RASAL2: variants seen among roughly 807,000 people sequenced by gnomAD.
The protein encoded by RASAL2 is RAS protein activator like 2.
RASAL2 carries 58 observed loss-of-function variants against 128.9 expected under a neutral mutation model. That is an observed-to-expected ratio of 0.45 (90% confidence interval 0.36 to 0.56). The LOEUF (loss-of-function observed/expected upper bound fraction) is 0.56, where lower values mean the gene tolerates loss of function less well. Among genes scored for constraint, RASAL2 ranks in the 20% least tolerant of loss-of-function variants. The pLI is 0.00. For missense variants in RASAL2, 1,360 were observed against 1,601.6 expected (o/e 0.85, Z 2.57); for synonymous variants, 561 against 580.8 (o/e 0.97, Z 0.49).
rs570679499 is a variant in RASAL2, at chr1:178,335,780, T to C, written c.457+35662T>C. 1.6e-3 allele frequency among the ~76,000 whole-genome samples: 251 copies of C among 152,326 alleles called. 1 individual carries two copies. The highest frequency in any genetic ancestry group is 5.9e-3 in the African/African-American group (245 of 41,588). ...TCAGTACATCGTTCCAATAAATATA[T>C]ACATTGTTGCATCTGGATTAATACA... On this transcript the variant is annotated intron_variant, in intron 3 of 17. Transcript: ENST00000367649.
chr1:178,147,479 C>CAAAAA (rs71297899), intron 1 of RASAL2, among the ~76,000 whole-genome samples: 7 of 82,954 alleles, frequency 8.4e-5, no homozygotes, highest in South Asian at 4.7e-4. Flanking sequence ...GACTCCGTCT[C>CAAAAA]AAAAAAAAAA....
intron 1 of RASAL2, among the ~76,000 whole-genome samples, chr1:178,140,177 T>G (rs1335808655): frequency 6.6e-6 from 1 of 152,182 alleles, no homozygotes; most frequent in Non-Finnish European, 1.5e-5. Flanking sequence ...CAGTTTTTGT[T>G]TTTTAAAATA....
intron 1 of RASAL2, among the ~76,000 whole-genome samples, chr1:178,248,140 CGTT>C (rs1211523116): frequency 6.6e-5 from 10 of 152,102 alleles, no homozygotes; most frequent in Non-Finnish European, 1.5e-4. Context: ...TTTTCTGTCT[CGTT>C]GATCTGCTTA....
chr1:178,126,514 A>G (rs1180326063), intron 1 of RASAL2, among the ~76,000 whole-genome samples: 2 of 152,244 alleles, frequency 1.3e-5, no homozygotes, highest in Non-Finnish European at 1.5e-5. Context: ...AGATTTAAAG[A>G]AACACCATTC....
At chr1:178,177,611 A>C (rs1404608517) in intron 1 of RASAL2, among the ~76,000 whole-genome samples, 1 of 152,220 alleles carries the variant, frequency 6.6e-6, no homozygotes, top group Non-Finnish European at 1.5e-5. Context: ...TTGAGTTGGG[A>C]TTAAAGTGGA....
At chr1:178,260,350 C>CAAAAAAAAAAAAAAAAAAAAAAAAA (rs1243797175) in intron 1 of RASAL2, among the ~76,000 whole-genome samples, 1 of 436 alleles carries the variant, frequency 2.3e-3, no homozygotes, top group African/African-American at 4.5e-3. Context: ...AGACTCGTCT[C>CAAAAAAAAAAAAAAAAAAAAAAAAA]AAAAAAAAAA....
At chr1:178,194,814 C>T (rs575045176) in intron 1 of RASAL2, 2 of 152,396 alleles carry the variant, frequency 1.3e-5, no homozygotes, top group Admixed American at 6.5e-5. Context: ...ACCAAACACT[C>T]TGCACCTGAC....
At chr1:178,283,515 T>TA (rs774681852) in intron 1 of RASAL2, 49 bp from the exon 2 acceptor site, 449 of 1,587,608 alleles carry the variant, frequency 2.8e-4, no homozygotes, top group Non-Finnish European at 3.7e-4. Flanking sequence ...ACTGGTTTAC[T>TA]AAGCAAGATA....
chr1:178,321,169 C>T (rs917414888), intron 3 of RASAL2, among the ~76,000 whole-genome samples: 1 of 152,118 alleles, frequency 6.6e-6, no homozygotes, highest in Non-Finnish European at 1.5e-5. Context: ...CTGCAACCTC[C>T]ACCTCCCGGG....
chr1:178,379,403 G>A (rs983179679), intron 3 of RASAL2, among the ~76,000 whole-genome samples: 3 of 151,480 alleles, frequency 2.0e-5, no homozygotes, highest in African/African-American at 4.9e-5. Context: ...GAGAAAGGAA[G>A]GGGAGGGGAG....
chr1:178,251,827 T>C (rs184285820), intron 1 of RASAL2, among the ~76,000 whole-genome samples: 99 of 152,348 alleles, frequency 6.5e-4, no homozygotes, highest in Admixed American at 1.0e-3. Flanking sequence ...TCCTCATTAA[T>C]GAATTAGCCT....
At chr1:178,325,325 G>C (rs950520544) in intron 3 of RASAL2, among the ~76,000 whole-genome samples, 2 of 152,156 alleles carry the variant, frequency 1.3e-5, no homozygotes, top group Non-Finnish European at 2.9e-5. Context: ...ATAGAGGAAA[G>C]ATAATTATCA....
chr1:178,094,212 GGGACCCACACACACCTGAGCCC>G lies in RASAL2; in HGVS notation c.-272_-251del, dbSNP rs1408195478. On this transcript the variant is annotated 5_prime_UTR_variant, in exon 1 of 18. Transcript: ENST00000367649. ...GGTTCTTCTGCGTCCTCTCCCGGGA[GGGACCCACACACACCTGAGCCC>G]GGACCCACCCTTGGTCGGGGCCACG... 4.4e-6 allele frequency: 2 copies of G among 459,012 alleles called. No individual in the cohort carries two copies. The highest frequency in any genetic ancestry group is 2.1e-5 in the African/African-American group (1 of 48,144). 28.4% of individuals were successfully genotyped at this position (459,012 alleles called of 1,614,324 possible).
chr1:178,311,641 C>T (rs981291221), intron 3 of RASAL2, among the ~76,000 whole-genome samples: 1 of 152,052 alleles, frequency 6.6e-6, no homozygotes, highest in Admixed American at 6.6e-5. Flanking sequence ...TGAATATGTG[C>T]ACGCTGAATG....
intron 1 of RASAL2, among the ~76,000 whole-genome samples, chr1:178,126,308 A>C (rs886699979): frequency 6.6e-6 from 1 of 152,202 alleles, no homozygotes; most frequent in East Asian, 1.9e-4. Context: ...GTAAAGATAT[A>C]TAATGTATAT....
rs190958381 is a variant in RASAL2, at chr1:178,384,506, A to G, written c.458-5594A>G. 2.6e-5 allele frequency among the ~76,000 whole-genome samples: 4 copies of G among 152,230 alleles called. No homozygotes were observed. The East Asian group carries it at 5.8e-4, about 22-fold the overall frequency. On this transcript the variant is annotated intron_variant, in intron 3 of 17. Transcript: ENST00000367649. ...CCAGTACTTAGCACATAAATTCTCA[A>G]CATGAGCTAAAATTCGCTGGGTGTG...
intron 10 of RASAL2, 76 bp from the exon 11 acceptor site, chr1:178,452,340 G>A: frequency 8.0e-7 from 1 of 1,248,702 alleles, no homozygotes; most frequent in Non-Finnish European, 1.2e-6. Flanking sequence ...AAAGTATATT[G>A]GGTCAGGGTG....
At position 178,141,118 on chromosome 1, in the gene RASAL2, G is replaced by A. The variant is rs1222974989; in HGVS notation, c.202+46424G>A. ...GGGAATGGTGCCAAGCCATTCATGA[G>A]GATCCACCCCTGTGATCCAAACACC... On this transcript the variant is annotated intron_variant, in intron 1 of 17. Transcript: ENST00000367649. Among the ~76,000 whole-genome samples the A allele has an allele frequency of 4.6e-5, 7 of 151,892 alleles. No homozygotes were observed. In the South Asian group the frequency reaches 1.2e-3, roughly 27 times the overall value.
intron 3 of RASAL2, among the ~76,000 whole-genome samples, chr1:178,314,570 T>A (rs1177135720): frequency 1.3e-5 from 2 of 151,086 alleles, no homozygotes; most frequent in African/African-American, 2.5e-5. Flanking sequence ...GGCCTCATGG[T>A]AAGATTTTCT....
Sources: allele counts gnomAD v4.1 joint callset (sites outside exome capture counted in the v4.1 genomes callset), GRCh38; gene constraint gnomAD v4.1.1; transcripts MANE v1.5; gene names NCBI Gene and HGNC (gene_info 2026-07-23, HGNC 2026-07-21).